The following NKAIN2 variants were observed in gnomAD, a reference collection of about 807,000 sequenced individuals.
The protein encoded by NKAIN2 is sodium/potassium-transporting ATPase subunit beta-1-interacting protein 2.
Under a neutral mutation model 32.6 loss-of-function variants are expected in NKAIN2, and 14 were observed. The observed-to-expected ratio is 0.43, with a 90% CI of 0.28 to 0.67. The LOEUF (loss-of-function observed/expected upper bound fraction) is 0.67. Ranked by LOEUF, NKAIN2 falls within the 30% of genes least tolerant of loss-of-function variation. The probability of loss-of-function intolerance (pLI) is 0.17; values close to 1 mark genes in which losing one functional copy is unlikely to be tolerated. For missense variants in NKAIN2, 198 were observed against 258.3 expected (o/e 0.77, Z 1.60); for synonymous variants, 80 against 87.2 (o/e 0.92, Z 0.46).
At chr6:124,405,669 C>T (rs997332935) in intron 3 of NKAIN2, among the ~76,000 whole-genome samples, 3 of 151,864 alleles carry the variant, frequency 2.0e-5, no homozygotes, top group Non-Finnish European at 2.9e-5. Context: ...CGTGAGCCAC[C>T]GCACCCGGCA....
intron 3 of NKAIN2, among the ~76,000 whole-genome samples, chr6:124,637,339 G>A (rs1215796220): frequency 6.6e-6 from 1 of 151,876 alleles, no homozygotes; most frequent in East Asian, 1.9e-4. Context: ...AACAAGATAT[G>A]AATGCCCATT....
chr6:124,404,183 G>T (rs1173450631), intron 3 of NKAIN2, among the ~76,000 whole-genome samples: 2 of 152,090 alleles, frequency 1.3e-5, no homozygotes, highest in African/African-American at 4.8e-5. Flanking sequence ...TGGGGGTGCT[G>T]CAAGTTTGAA....
intron 2 of NKAIN2, among the ~76,000 whole-genome samples, chr6:124,342,297 T>C (rs1340496736): frequency 6.6e-6 from 1 of 150,974 alleles, no homozygotes; most frequent in Non-Finnish European, 1.5e-5. Flanking sequence ...TAGTCCCAGC[T>C]ACTCAGGAGG....
chr6:124,084,335 C>T (rs1784102415), intron 1 of NKAIN2, among the ~76,000 whole-genome samples: 1 of 151,852 alleles, frequency 6.6e-6, no homozygotes, highest in South Asian at 2.1e-4. Context: ...TGTACTTTTT[C>T]TGTGTTTAGA....
At chr6:124,742,507 A>G (rs1167941267) in intron 4 of NKAIN2, among the ~76,000 whole-genome samples, 1 of 151,828 alleles carries the variant, frequency 6.6e-6, no homozygotes, top group Non-Finnish European at 1.5e-5. Context: ...ACTGAATGAC[A>G]TCACTGGCTT....
intron 2 of NKAIN2, among the ~76,000 whole-genome samples, chr6:124,349,509 T>C (rs968354653): frequency 6.6e-6 from 1 of 152,208 alleles, no homozygotes; most frequent in African/African-American, 2.4e-5. Flanking sequence ...GCATTAATTG[T>C]CAATCATTAA....
chr6:124,307,699 T>C (rs1796561107), intron 2 of NKAIN2, among the ~76,000 whole-genome samples: 2 of 152,210 alleles, frequency 1.3e-5, no homozygotes, highest in Admixed American at 1.3e-4. Flanking sequence ...CAATGTAAAT[T>C]ACTATATCTT....
At chr6:124,668,166 A>G (rs1447340429) in intron 4 of NKAIN2, among the ~76,000 whole-genome samples, 1 of 152,114 alleles carries the variant, frequency 6.6e-6, no homozygotes, top group Non-Finnish European at 1.5e-5. Context: ...ACTACGTGTA[A>G]TCTTCTAACT....
chr6:124,628,004 C>T (rs970156949), intron 3 of NKAIN2, among the ~76,000 whole-genome samples: 2 of 152,174 alleles, frequency 1.3e-5, no homozygotes, highest in African/African-American at 4.8e-5. Flanking sequence ...TACATACACA[C>T]GTGTTCACAC....
intron 3 of NKAIN2, among the ~76,000 whole-genome samples, chr6:124,424,550 C>T (rs1223156798): frequency 6.6e-6 from 1 of 152,174 alleles, no homozygotes; most frequent in Non-Finnish European, 1.5e-5. Flanking sequence ...ACCAACATCT[C>T]ATTTTCCTCA....
intron 3 of NKAIN2, among the ~76,000 whole-genome samples, chr6:124,500,067 A>T (rs370896460): frequency 1.3e-5 from 2 of 152,178 alleles, no homozygotes; most frequent in South Asian, 4.1e-4. Context: ...TTTGTGATGA[A>T]ACCAAATATA....
intron 4 of NKAIN2, among the ~76,000 whole-genome samples, chr6:124,748,490 ACTGCCAC>A (rs1329155642): frequency 6.6e-6 from 1 of 151,934 alleles, no homozygotes; most frequent in Non-Finnish European, 1.5e-5. Context: ...TTTGGTGGTA[ACTGCCAC>A]CTGCTTGTCC....
chr6:124,240,608 C>T (rs1354813629), intron 1 of NKAIN2, among the ~76,000 whole-genome samples: 2 of 152,024 alleles, frequency 1.3e-5, no homozygotes, highest in Admixed American at 6.6e-5. Context: ...AATCAATAAA[C>T]ATAATCCATC....
chr6:124,696,688 GTCT>G (rs1220283993), intron 4 of NKAIN2, among the ~76,000 whole-genome samples: 2 of 151,752 alleles, frequency 1.3e-5, no homozygotes, highest in Admixed American at 1.3e-4. Flanking sequence ...ATGTTTAGGT[GTCT>G]TCTTGAGAAT....
At chr6:123,976,367 A>G (rs9482493) in intron 1 of NKAIN2, among the ~76,000 whole-genome samples, 239 of 20,684 alleles carry the variant, frequency 0.012, 15 homozygotes, top group African/African-American at 0.046. Context: ...ATATATATAT[A>G]TTCCCATATA....
intron 1 of NKAIN2, among the ~76,000 whole-genome samples, chr6:124,005,591 A>T (rs1224425989): frequency 6.6e-6 from 1 of 152,170 alleles, no homozygotes; most frequent in Non-Finnish European, 1.5e-5. Context: ...ATACTAATTC[A>T]TGCAAAGTGC....
At position 124,650,174 on chromosome 6, in the gene NKAIN2, T is replaced by C. The variant is rs556905979; in HGVS notation, c.274-8012T>C. ...ACAAGACAAGAGAAGGAAATAAAGT[T>C]ACACAGATTAGGAAGGAAGAGATAA... On this transcript the variant is annotated intron_variant, in intron 3 of 6. Transcript: ENST00000368417. 4.1e-4 allele frequency among the ~76,000 whole-genome samples: 63 copies of C among 152,300 alleles called. 1 individual carries two copies. In the South Asian group the frequency reaches 9.7e-3, roughly 24 times the overall value.
chr6:124,245,882 C>T (rs73770377), intron 1 of NKAIN2, among the ~76,000 whole-genome samples: 3,568 of 152,102 alleles, frequency 0.023, 137 homozygotes, highest in African/African-American at 0.082. Context: ...TGACATGATA[C>T]GCATAAGTTG....
At chr6:124,222,247 ATGT>A (rs1444445692) in intron 1 of NKAIN2, among the ~76,000 whole-genome samples, 1 of 152,218 alleles carries the variant, frequency 6.6e-6, no homozygotes, top group Non-Finnish European at 1.5e-5. Flanking sequence ...AAGGAAAGAA[ATGT>A]TGTTGCCCTC....
Sources: allele counts gnomAD v4.1 joint callset (sites outside exome capture counted in the v4.1 genomes callset), GRCh38; gene constraint gnomAD v4.1.1; transcripts MANE v1.5; gene names NCBI Gene and HGNC (gene_info 2026-07-23, HGNC 2026-07-21).